The following KDM4C variants were observed in gnomAD, a reference collection of about 807,000 sequenced individuals.
The protein encoded by KDM4C is lysine-specific demethylase 4C.
A neutral mutation model predicts 129.3 loss-of-function variants in KDM4C; 81 were observed. The ratio of observed to expected loss-of-function variants is 0.63; its 90% CI spans 0.52 to 0.75. The LOEUF (loss-of-function observed/expected upper bound fraction) is 0.75, where lower values mean the gene tolerates loss of function less well. Among genes scored for constraint, KDM4C ranks in the 30% least tolerant of loss-of-function variants. The pLI is 0.00. For missense variants in KDM4C, 1,457 were observed against 1,304.0 expected, an observed-to-expected ratio of 1.12 and a Z score of -1.81; for synonymous variants, 573 against 456.1, an observed-to-expected ratio of 1.26 and a Z score of -3.26.
intron 14 of KDM4C, among the ~76,000 whole-genome samples, chr9:7,015,457 A>G (rs1038414426): frequency 1.3e-5 from 2 of 152,186 alleles, no homozygotes; most frequent in Admixed American, 1.3e-4. Flanking sequence ...CATTGAGGTT[A>G]AAGGTAGTTA....
At chr9:6,785,232 T>C (rs1825216434) in intron 1 of KDM4C, among the ~76,000 whole-genome samples, 1 of 152,240 alleles carries the variant, frequency 6.6e-6, no homozygotes, top group Non-Finnish European at 1.5e-5. Flanking sequence ...TAGTTTCTTG[T>C]GTTTGCCAGG....
intron 2 of KDM4C, among the ~76,000 whole-genome samples, chr9:6,802,773 A>G (rs950793965): frequency 6.6e-6 from 1 of 152,152 alleles, no homozygotes; most frequent in Non-Finnish European, 1.5e-5. Flanking sequence ...CGTTTGGCTA[A>G]TTTTTGTATT....
intron 1 of KDM4C, among the ~76,000 whole-genome samples, chr9:6,750,412 C>A (rs922221236): frequency 2.5e-4 from 37 of 150,390 alleles, no homozygotes; most frequent in African/African-American, 8.8e-4. Context: ...GCACTTCAGC[C>A]TGGGTGACAG....
intron 17 of KDM4C, among the ~76,000 whole-genome samples, chr9:7,080,851 G>C (rs1834442951): frequency 6.6e-6 from 1 of 152,094 alleles, no homozygotes; most frequent in South Asian, 2.1e-4. Flanking sequence ...AATTCTTCTG[G>C]GGAATTGTAA....
chr9:6,924,380 T>G (rs1323102529), intron 8 of KDM4C, among the ~76,000 whole-genome samples: 1 of 152,174 alleles, frequency 6.6e-6, no homozygotes, highest in Non-Finnish European at 1.5e-5. Context: ...AGGCCCCCTT[T>G]CCCTCTGGCT....
chr9:7,029,047 A>T (rs1387703379), intron 15 of KDM4C, among the ~76,000 whole-genome samples: 1 of 152,076 alleles, frequency 6.6e-6, no homozygotes, highest in Non-Finnish European at 1.5e-5. Flanking sequence ...GTACTTTTTT[A>T]TACAGATGGT....
At chr9:6,822,996 TC>T (rs1235851681) in intron 4 of KDM4C, among the ~76,000 whole-genome samples, 10 of 152,358 alleles carry the variant, frequency 6.6e-5, no homozygotes, top group Non-Finnish European at 1.5e-4. Context: ...GGGCTGCATT[TC>T]TAGCAATACC....
At chr9:7,084,112 T>C (rs1378859258) in intron 17 of KDM4C, among the ~76,000 whole-genome samples, 2 of 152,204 alleles carry the variant, frequency 1.3e-5, no homozygotes, top group African/African-American at 4.8e-5. Flanking sequence ...GTTTCTTGCT[T>C]CTAACTGTGC....
chr9:7,013,727 G>T, intron 13 of KDM4C, 61 bp from the exon 14 acceptor site: 1 of 1,504,098 alleles, frequency 6.6e-7, no homozygotes, highest in South Asian at 1.2e-5. Flanking sequence ...GGATTTGAGT[G>T]ACTAGAATGA....
chr9:7,082,383 A>G (rs1834628763), intron 17 of KDM4C, among the ~76,000 whole-genome samples: 1 of 152,198 alleles, frequency 6.6e-6, no homozygotes, highest in African/African-American at 2.4e-5. Context: ...CAGGCATAAT[A>G]CTGTGACCAA....
intron 8 of KDM4C, among the ~76,000 whole-genome samples, chr9:6,966,086 G>T (rs1830912577): frequency 6.6e-6 from 1 of 152,148 alleles, no homozygotes; most frequent in South Asian, 2.1e-4. Flanking sequence ...CATTTAGATG[G>T]AAGTAAGTCT....
At chr9:6,975,555 C>G (rs1484996540) in intron 8 of KDM4C, among the ~76,000 whole-genome samples, 1 of 152,138 alleles carries the variant, frequency 6.6e-6, no homozygotes, top group Non-Finnish European at 1.5e-5. Context: ...GCGCCTGTCT[C>G]TGTTTCTTCA....
At chr9:6,965,404 G>A (rs1439936281) in intron 8 of KDM4C, among the ~76,000 whole-genome samples, 1 of 152,016 alleles carries the variant, frequency 6.6e-6, no homozygotes, top group African/African-American at 2.4e-5. Context: ...AGTGCTAATT[G>A]ATATTATGTG....
chr9:6,855,956 G>A (rs1839734210), intron 5 of KDM4C, among the ~76,000 whole-genome samples: 1 of 152,046 alleles, frequency 6.6e-6, no homozygotes, highest in Non-Finnish European at 1.5e-5. Context: ...GCCCAGGCTG[G>A]CCATGAACTC....
At chr9:7,011,463 C>T (rs1332598400) in intron 12 of KDM4C, among the ~76,000 whole-genome samples, 1 of 152,042 alleles carries the variant, frequency 6.6e-6, no homozygotes, top group Non-Finnish European at 1.5e-5. Context: ...GGGAGGGTTA[C>T]AAAATGAGGG....
intron 2 of KDM4C, among the ~76,000 whole-genome samples, chr9:6,802,404 G>A (rs1401977166): frequency 6.6e-6 from 1 of 152,170 alleles, no homozygotes; most frequent in African/African-American, 2.4e-5. Flanking sequence ...TCTTAGAAGT[G>A]TCTGTGTATG....
intron 17 of KDM4C, among the ~76,000 whole-genome samples, chr9:7,080,070 A>G (rs1834359128): frequency 2.6e-5 from 4 of 152,092 alleles, no homozygotes; most frequent in African/African-American, 4.8e-5. Flanking sequence ...TAGGCCATGG[A>G]TTTATTGCAG....
intron 5 of KDM4C, among the ~76,000 whole-genome samples, chr9:6,872,624 CCTT>C (rs1351192380): frequency 6.6e-6 from 1 of 152,132 alleles, no homozygotes; most frequent in Non-Finnish European, 1.5e-5. Flanking sequence ...TTATGTAATG[CCTT>C]CTTTGTCTTT....
intron 12 of KDM4C, among the ~76,000 whole-genome samples, chr9:7,010,011 TAAATC>T (rs1409841198): frequency 6.6e-6 from 1 of 152,130 alleles, no homozygotes; most frequent in African/African-American, 2.4e-5. Context: ...ACTATAAACA[TAAATC>T]TATTATAAAA....
Sources: gnomAD v4.1 joint callset for allele counts (sites outside exome capture counted in the v4.1 genomes callset) on GRCh38, gnomAD v4.1.1 for gene constraint, MANE v1.5 for transcripts, NCBI Gene and HGNC (gene_info 2026-07-23, HGNC 2026-07-21) for gene names.